CDKAL1: variants seen among roughly 807,000 people sequenced by gnomAD.
CDKAL1 encodes threonylcarbamoyladenosine tRNA methylthiotransferase.
CDKAL1 carries 32 observed loss-of-function variants against 68.2 expected under a neutral mutation model. That is an observed-to-expected ratio of 0.47 (90% CI 0.35 to 0.63). The LOEUF (loss-of-function observed/expected upper bound fraction) is 0.63. CDKAL1 is among the 30% of genes least tolerant of loss of function. The pLI, the probability that CDKAL1 is intolerant of heterozygous loss-of-function variation, is 0.00. For synonymous variants in CDKAL1, 234 were observed against 244.3 expected (o/e 0.96, Z 0.39); for missense variants, 606 against 696.7 (o/e 0.87, Z 1.47).
chr6:21,090,019 C>G (rs770740475), intron 12 of CDKAL1, among the ~76,000 whole-genome samples: 1 of 152,110 alleles, frequency 6.6e-6, no homozygotes, highest in Non-Finnish European at 1.5e-5. Flanking sequence ...TAGGGTTATC[C>G]TCATTCTTTG....
At chr6:21,042,921 T>G (rs1047033117) in intron 11 of CDKAL1, among the ~76,000 whole-genome samples, 2 of 152,170 alleles carry the variant, frequency 1.3e-5, no homozygotes, top group African/African-American at 4.8e-5. Context: ...GCTCTGGCTT[T>G]TCTTTCTGCT....
At chr6:21,210,850 G>A (rs1399721165) in intron 15 of CDKAL1, among the ~76,000 whole-genome samples, 2 of 152,146 alleles carry the variant, frequency 1.3e-5, no homozygotes, top group Non-Finnish European at 2.9e-5. Flanking sequence ...CAGAATCTTT[G>A]CTGAGTTTTC....
intron 9 of CDKAL1, among the ~76,000 whole-genome samples, chr6:20,870,548 C>T (rs1400099864): frequency 6.6e-6 from 1 of 152,202 alleles, no homozygotes; most frequent in Non-Finnish European, 1.5e-5. Flanking sequence ...TACTTTCCTT[C>T]TTTCCTGACG....
intron 10 of CDKAL1, among the ~76,000 whole-genome samples, chr6:20,979,960 T>A (rs556134890): frequency 4.0e-5 from 6 of 151,494 alleles, no homozygotes; most frequent in African/African-American, 1.5e-4. Context: ...TTAGTAGAGA[T>A]GGGGTTTCAT....
intron 4 of CDKAL1, among the ~76,000 whole-genome samples, chr6:20,588,679 G>T (rs958657198): frequency 5.3e-5 from 8 of 152,052 alleles, no homozygotes; most frequent in Non-Finnish European, 7.4e-5. Context: ...AAGTTAAGAG[G>T]CAACATTAGT....
intron 7 of CDKAL1, among the ~76,000 whole-genome samples, chr6:20,769,442 A>G (rs1774843815): frequency 6.6e-6 from 1 of 151,868 alleles, no homozygotes; most frequent in Admixed American, 6.6e-5. Context: ...TATTTTTAGT[A>G]GAGAAGGAGT....
intron 11 of CDKAL1, among the ~76,000 whole-genome samples, chr6:21,053,659 G>A (rs1435162307): frequency 6.6e-6 from 1 of 151,892 alleles, no homozygotes; most frequent in Non-Finnish European, 1.5e-5. Context: ...TTTTGGTACA[G>A]CCATTCTACT....
intron 5 of CDKAL1, among the ~76,000 whole-genome samples, chr6:20,730,145 C>A (rs1481215768): frequency 6.6e-6 from 1 of 151,764 alleles, no homozygotes; most frequent in East Asian, 1.9e-4. Context: ...AACCCTGTGT[C>A]TAAAAAACAA....
At chr6:20,552,037 GAA>G (rs1295877569) in intron 4 of CDKAL1, among the ~76,000 whole-genome samples, 8 of 95,816 alleles carry the variant, frequency 8.3e-5, no homozygotes, top group Admixed American at 1.1e-4. Flanking sequence ...ATACCCTAAG[GAA>G]AAAAAAAAAA....
intron 13 of CDKAL1, among the ~76,000 whole-genome samples, chr6:21,132,514 G>A (rs1042102653): frequency 2.0e-5 from 3 of 149,814 alleles, no homozygotes; most frequent in Non-Finnish European, 4.5e-5. Flanking sequence ...TTAATATGTA[G>A]TCATTCCTTT....
Position 20,835,481 on chromosome 6 carries a change from T to TTTGTCTTGTCTTGTCTTGTCTTGTC in CDKAL1, c.639-10576_639-10552dup, listed in dbSNP as rs143490469. 3.6e-4 allele frequency among the ~76,000 whole-genome samples: 54 copies of TTTGTCTTGTCTTGTCTTGTCTTGTC among 149,770 alleles called. 1 individual carries two copies. The highest frequency in any genetic ancestry group is 1.3e-3 in the African/African-American group (52 of 40,668). On this transcript the variant is annotated intron_variant, in intron 8 of 15. Coordinates refer to ENST00000274695, the MANE Select transcript of CDKAL1 (RefSeq NM_017774.3). Reference sequence around the variant, plus strand: ...AACTCCTTTGCTTTGCTTTGCTTTGTTTGTCTTGTCTTGTCTTGTCTTGTC... The same window carrying TTTGTCTTGTCTTGTCTTGTCTTGTC: ...AACTCCTTTGCTTTGCTTTGCTTTGTTTGTCTTGTCTTGTCTTGTCTTGTCTTGTCTTGTCTTGTCTTGTCTTGTC...
intron 2 of CDKAL1, among the ~76,000 whole-genome samples, chr6:20,541,839 T>C (rs1466500356): frequency 4.6e-5 from 7 of 152,232 alleles, no homozygotes; most frequent in Admixed American, 2.0e-4. Context: ...TTTGTATTTT[T>C]AGTAGAGACA....
intron 11 of CDKAL1, among the ~76,000 whole-genome samples, chr6:21,009,924 G>T (rs1390630742): frequency 1.3e-5 from 2 of 152,164 alleles, no homozygotes; most frequent in African/African-American, 4.8e-5. Flanking sequence ...CTAGTGTTTG[G>T]TAGCACAGTA....
intron 13 of CDKAL1, among the ~76,000 whole-genome samples, chr6:21,194,884 T>C (rs1778402057): frequency 6.6e-6 from 1 of 152,158 alleles, no homozygotes; most frequent in South Asian, 2.1e-4. Context: ...TTGTATTTGA[T>C]TTTCACTTCA....
At chr6:20,639,364 A>T (rs1484788141) in intron 4 of CDKAL1, among the ~76,000 whole-genome samples, 1 of 152,090 alleles carries the variant, frequency 6.6e-6, no homozygotes, top group Non-Finnish European at 1.5e-5. Context: ...CACCACCACC[A>T]TACAAAGGGC....
At chr6:21,179,518 C>G (rs1777708382) in intron 13 of CDKAL1, among the ~76,000 whole-genome samples, 1 of 152,136 alleles carries the variant, frequency 6.6e-6, no homozygotes, top group Admixed American at 6.5e-5. Flanking sequence ...AAATTTGTTT[C>G]ATATTTTTGC....
At chr6:21,193,438 T>C (rs185643869) in intron 13 of CDKAL1, among the ~76,000 whole-genome samples, 14 of 152,328 alleles carry the variant, frequency 9.2e-5, no homozygotes, top group African/African-American at 2.9e-4. Context: ...TGACTTAAAC[T>C]TCACAATTGA....
At chr6:20,600,789 C>CATATATATAT (rs58795499) in intron 4 of CDKAL1, among the ~76,000 whole-genome samples, 1 of 130,480 alleles carries the variant, frequency 7.7e-6, no homozygotes, top group African/African-American at 2.9e-5. Context: ...TATATATATA[C>CATATATATAT]ACACACACAC....
At chr6:20,689,873 T>C (rs931373145) in intron 5 of CDKAL1, among the ~76,000 whole-genome samples, 3 of 152,250 alleles carry the variant, frequency 2.0e-5, no homozygotes, top group Non-Finnish European at 4.4e-5. Flanking sequence ...TAAGAAATTC[T>C]GTTTTTATTG....
Sources: gnomAD v4.1 joint callset for allele counts (sites outside exome capture counted in the v4.1 genomes callset) on GRCh38, gnomAD v4.1.1 for gene constraint, MANE v1.5 for transcripts, NCBI Gene and HGNC (gene_info 2026-07-23, HGNC 2026-07-21) for gene names.